The following SMAD1 variants were observed in gnomAD, a reference collection of about 807,000 sequenced individuals.
SMAD1 encodes MAD, mothers against decapentaplegic homolog 1.
SMAD1 carries 6 observed loss-of-function variants against 41.6 expected under a neutral mutation model. The ratio of observed to expected loss-of-function variants is 0.14; its 90% CI spans 0.08 to 0.28. The LOEUF (loss-of-function observed/expected upper bound fraction) is 0.28, where lower values mean the gene tolerates loss of function less well. SMAD1 is among the 10% of genes least tolerant of loss of function. The pLI, the probability that SMAD1 is intolerant of heterozygous loss-of-function variation, is 1.00. For synonymous variants in SMAD1, 206 were observed against 203.2 expected, an observed-to-expected ratio of 1.01 and a Z score of -0.12; for missense variants, 379 against 582.6, an observed-to-expected ratio of 0.65 and a Z score of 3.60.
intron 1 of SMAD1, among the ~76,000 whole-genome samples, chr4:145,498,246 A>AT (rs1374298011): frequency 6.6e-6 from 1 of 152,204 alleles, no homozygotes; most frequent in Non-Finnish European, 1.5e-5. Flanking sequence ...ATAATATGCC[A>AT]TTTTTTGAAA....
chr4:145,531,677 G>A (rs1243685084), intron 2 of SMAD1, among the ~76,000 whole-genome samples: 2 of 152,138 alleles, frequency 1.3e-5, no homozygotes, highest in Non-Finnish European at 2.9e-5. Flanking sequence ...GAGACATTAA[G>A]TGATTGGCTC....
chr4:145,524,451 A>G (rs1343425130), intron 2 of SMAD1, among the ~76,000 whole-genome samples: 4 of 152,250 alleles, frequency 2.6e-5, no homozygotes, highest in Non-Finnish European at 4.4e-5. Context: ...GTAAAAGTAC[A>G]TAAGTTGTTA....
chr4:145,534,691 GT>G (rs1240292411), intron 2 of SMAD1, among the ~76,000 whole-genome samples: 3 of 152,188 alleles, frequency 2.0e-5, no homozygotes, highest in Non-Finnish European at 2.9e-5. Context: ...TGGTGTTGGG[GT>G]TAACTGGCTA....
At chr4:145,500,821 T>C (rs2126329532) in intron 1 of SMAD1, among the ~76,000 whole-genome samples, 1 of 152,344 alleles carries the variant, frequency 6.6e-6, no homozygotes, top group Non-Finnish European at 1.5e-5. Context: ...TAGCCTTATT[T>C]GTGAACCTGC....
intron 3 of SMAD1, among the ~76,000 whole-genome samples, chr4:145,540,923 A>G (rs1361266737): frequency 6.6e-6 from 1 of 152,220 alleles, no homozygotes; most frequent in African/African-American, 2.4e-5. Flanking sequence ...GCCTTCAAAA[A>G]TTGAAAAGTG....
Position 145,509,654 on chromosome 4 carries a change from G to A in SMAD1, c.-176-4784G>A, listed in dbSNP as rs55700163. On this transcript the variant is annotated intron_variant, in intron 1 of 6. Transcript: ENST00000302085. ...CTCCCTCTATAAATTATTCCCAGAAGCCTAGAAAAAAGTTCTTGTTCTTTT... is the reference window on the plus strand; with the variant it reads ...CTCCCTCTATAAATTATTCCCAGAAACCTAGAAAAAAGTTCTTGTTCTTTT... Among the ~76,000 whole-genome samples, 473 of 152,218 alleles carry A rather than the reference G, an allele frequency of 3.1e-3. 2 individuals are homozygous for A. The highest frequency in any genetic ancestry group is 0.011 in the African/African-American group (456 of 41,540).
intron 2 of SMAD1, among the ~76,000 whole-genome samples, chr4:145,539,266 G>A (rs952835469): frequency 6.6e-6 from 1 of 152,104 alleles, no homozygotes; most frequent in Non-Finnish European, 1.5e-5. Context: ...TATCTTCATG[G>A]CATTTGCATT....
At position 145,553,093 on chromosome 4, in the gene SMAD1, T is replaced by TG. The variant is rs1481939128; in HGVS notation, c.998-691_998-690insG. On this transcript the variant is annotated intron_variant, in intron 5 of 6. Coordinates refer to ENST00000302085, the MANE Select transcript of SMAD1 (RefSeq NM_005900.3). ...TAATTTTTTGTATTTTTTTTTTTTT[T>TG]TGTGGAGATGGGGTTTCACCGTGCT... Among the ~76,000 whole-genome samples, 555 of 151,204 alleles carry TG rather than the reference T, an allele frequency of 3.7e-3. 1 individual carries two copies. Among genetic ancestry groups the TG allele is most frequent in the Middle Eastern group, 6.8e-3 (2 of 294 alleles).
intron 5 of SMAD1, among the ~76,000 whole-genome samples, chr4:145,553,320 C>T (rs144820110): frequency 6.6e-6 from 1 of 152,102 alleles, no homozygotes; most frequent in South Asian, 2.1e-4. Context: ...TCAGCCATCC[C>T]CAGTCTTTTT....
intron 1 of SMAD1, among the ~76,000 whole-genome samples, chr4:145,505,867 C>G (rs1428197366): frequency 2.7e-5 from 4 of 149,820 alleles, no homozygotes; most frequent in Non-Finnish European, 5.9e-5. Context: ...TTTTTTGAGG[C>G]GGAGTCTCAA....
intron 6 of SMAD1, among the ~76,000 whole-genome samples, chr4:145,556,849 C>A (rs1732864642): frequency 6.6e-6 from 1 of 152,094 alleles, no homozygotes; most frequent in Non-Finnish European, 1.5e-5. Flanking sequence ...CACCACCACA[C>A]CTCGTTTTAG....
chr4:145,523,845 A>G (rs1243611107), intron 2 of SMAD1, among the ~76,000 whole-genome samples: 1 of 152,136 alleles, frequency 6.6e-6, no homozygotes, highest in African/African-American at 2.4e-5. Context: ...GCTCTTCCAC[A>G]GTCCTCTCAG....
At chr4:145,550,597 A>G (rs534731728) in intron 5 of SMAD1, among the ~76,000 whole-genome samples, 8 of 152,310 alleles carry the variant, frequency 5.3e-5, no homozygotes, top group African/African-American at 1.9e-4. Context: ...TACCAGAAAT[A>G]TATGAGTGCC....
intron 1 of SMAD1, chr4:145,498,088 A>G (rs1578746601): frequency 6.6e-6 from 1 of 152,250 alleles, no homozygotes; most frequent in African/African-American, 2.4e-5. Flanking sequence ...AAAGGACAGG[A>G]CCAAATTGCT....
intron 6 of SMAD1, 89 bp downstream of exon 6, chr4:145,554,129 C>G: frequency 8.6e-7 from 1 of 1,165,472 alleles, no homozygotes; most frequent in African/African-American, 1.6e-5. Context: ...GAATCTATAT[C>G]CTCTTGATAA....
chr4:145,546,552 T>C (rs1048398956), intron 4 of SMAD1, 151 bp from the exon 5 acceptor site: 1 of 651,706 alleles, frequency 1.5e-6, no homozygotes, highest in Non-Finnish European at 2.8e-6. Context: ...GTACCTGCTT[T>C]AAACATCATA....
At position 145,539,946 on chromosome 4, in the gene SMAD1, C is replaced by G. The variant is rs1367694929; in HGVS notation, c.543C>G (p.Ser181Arg). The change falls in exon 3 of 7, where the codon AGC becomes AGG. Residue 181 changes from serine (S) to arginine (R), a missense_variant. Ser to Arg is a moderately radical substitution (Grantham distance 110, BLOSUM62 -1). Transcript: ENST00000302085. ...TFPDSFQQPN[S>R]HPFPHSPNSS... ...CAGATTCTTTCCAGCAACCCAACAG[C>G]CACCCGTTTCCTCACTCTCCCAATA... 6.2e-7 allele frequency: 1 copy of G among 1,614,086 alleles called. No individual in the cohort carries two copies. The highest frequency in any genetic ancestry group is 2.2e-5 in the East Asian group (1 of 44,878).
chr4:145,546,327 T>C (rs1286622807), intron 4 of SMAD1: 1 of 198,228 alleles, frequency 5.0e-6, no homozygotes, highest in East Asian at 1.1e-4. Flanking sequence ...ATTTTTTCAC[T>C]TGTCACTTGT....
intron 1 of SMAD1, among the ~76,000 whole-genome samples, chr4:145,504,812 T>G (rs570009575): frequency 1.3e-5 from 2 of 152,374 alleles, no homozygotes; most frequent in Non-Finnish European, 2.9e-5. Flanking sequence ...CTTTCCATTT[T>G]GTGAATTTTT....
Sources: gnomAD v4.1 joint callset for allele counts (sites outside exome capture counted in the v4.1 genomes callset) on GRCh38, gnomAD v4.1.1 for gene constraint, MANE v1.5 for transcripts, NCBI Gene and HGNC (gene_info 2026-07-23, HGNC 2026-07-21) for gene names.